CRMP1: variants seen among roughly 807,000 people sequenced by gnomAD.
CRMP1 encodes collapsin response mediator protein 1.
A neutral mutation model predicts 68.3 loss-of-function variants in CRMP1; 19 were observed. The ratio of observed to expected loss-of-function variants is 0.28; its 90% CI spans 0.19 to 0.41. CRMP1 has a LOEUF of 0.41. Ranked by LOEUF, CRMP1 falls within the 10% of genes least tolerant of loss-of-function variation. The pLI is 1.00. For synonymous variants in CRMP1, 439 were observed against 399.6 expected (o/e 1.10, Z -1.18); for missense variants, 791 against 967.4 (o/e 0.82, Z 2.42).
rs1027297994 is a variant in CRMP1 at position 5,860,234 on chromosome 4, G to A, written c.655+792C>T. 6.6e-6 allele frequency among the ~76,000 whole-genome samples: 1 copy of A among 152,178 alleles called. No homozygotes were observed. The highest frequency in any genetic ancestry group is 2.4e-5 in the African/African-American group (1 of 41,446). Reference sequence around the variant, plus strand: ...GGTGGAAGTTGCAGCATGGAAGTGAGGAGATGAGGCAGTGAGAAGAAAGGC... The same window carrying A: ...GGTGGAAGTTGCAGCATGGAAGTGAAGAGATGAGGCAGTGAGAAGAAAGGC... On this transcript the variant is annotated intron_variant, in intron 3 of 13. Transcript: ENST00000324989. This position sits in a 1 kb window ranked among gnomAD's most constrained non-coding sequence, Gnocchi z 4.2.
rs1055680097 is a variant in CRMP1, at chr4:5,870,476, T to C, written c.382-3720A>G. Among the ~76,000 whole-genome samples, 2 of 152,196 alleles carry C rather than the reference T, an allele frequency of 1.3e-5. No homozygotes were observed. Among genetic ancestry groups the C allele is most frequent in the African/African-American group, 4.8e-5 (2 of 41,446 alleles). On this transcript the variant is annotated intron_variant, in intron 1 of 13. Coordinates refer to ENST00000324989, the MANE Select transcript of CRMP1 (RefSeq NM_001014809.3). This position sits in a 1 kb window ranked among gnomAD's most constrained non-coding sequence, Gnocchi z 6.0. ...CTGCCTGGAGTTTGCACAGCACTTG[T>C]CTTTACTAGACCGTGAGCTCCACGG...
chr4:5,845,124 T>G (rs11942692), intron 6 of CRMP1, among the ~76,000 whole-genome samples: 4,920 of 152,280 alleles, frequency 0.032, 235 homozygotes, highest in African/African-American at 0.11. Flanking sequence ...TATGCTTCCA[T>G]TTTTAGAAAG....
chr4:5,848,208 G>C (rs910851924), intron 6 of CRMP1, among the ~76,000 whole-genome samples: 1 of 151,026 alleles, frequency 6.6e-6, no homozygotes, highest in Non-Finnish European at 1.5e-5. Flanking sequence ...GCAGTGGCGT[G>C]ATCTCAGCTC....
rs1245347333 is a variant in CRMP1, at chr4:5,853,407, G to GA, written c.821-1939dup. On this transcript the variant is annotated intron_variant, in intron 4 of 13. Coordinates refer to ENST00000324989, the MANE Select transcript of CRMP1 (RefSeq NM_001014809.3). This position sits in a 1 kb window ranked among gnomAD's most constrained non-coding sequence, Gnocchi z 4.7. ...TGACAGAGTAAGACTCCATCAGAAG[G>GA]AAAGAAAGAAAGAGCTGCATCTAAG... 6.6e-6 allele frequency among the ~76,000 whole-genome samples: 1 copy of GA among 152,126 alleles called. No homozygotes were observed. The highest frequency in any genetic ancestry group is 1.5e-5 in the Non-Finnish European group (1 of 68,028).
rs568160301 is a variant in CRMP1 at position 5,825,878 on chromosome 4, T to G, written c.1804-219A>C. 1.4e-5 allele frequency: 7 copies of G among 511,866 alleles called. No individual in the cohort carries two copies. The highest frequency in any genetic ancestry group is 6.1e-5 in the African/African-American group (3 of 49,038). 31.7% of individuals were successfully genotyped at this position (511,866 alleles called of 1,614,324 possible). On this transcript the variant is annotated intron_variant, in intron 12 of 13. Transcript: ENST00000324989. The surrounding 1 kb of genome is among the most constrained non-coding windows in gnomAD (Gnocchi z 4.4). ...AAGCATGCATACACACACATCTACATACCCACATGCATACACATACAGACG... is the reference window on the plus strand; with the variant it reads ...AAGCATGCATACACACACATCTACAGACCCACATGCATACACATACAGACG...
rs1713907625 is a variant in CRMP1, at chr4:5,865,352, T to C, written c.470+1316A>G. Among the ~76,000 whole-genome samples the C allele has an allele frequency of 6.6e-6, 1 of 152,146 alleles. No homozygotes were observed. The highest frequency in any genetic ancestry group is 2.4e-5 in the African/African-American group (1 of 41,430). On this transcript the variant is annotated intron_variant, in intron 2 of 13. Coordinates refer to ENST00000324989, the MANE Select transcript of CRMP1 (RefSeq NM_001014809.3). This position sits in a 1 kb window ranked among gnomAD's most constrained non-coding sequence, Gnocchi z 4.1. ...AAATGTTAAGGCCAGCCAGGCGCGA[T>C]GGCTCACACCTGTAATCCCAGCACT...
chr4:5,860,760 T>C lies in CRMP1; in HGVS notation c.655+266A>G, dbSNP rs1248150164. On this transcript the variant is annotated intron_variant, in intron 3 of 13. Coordinates refer to ENST00000324989, the MANE Select transcript of CRMP1 (RefSeq NM_001014809.3). This position sits in a 1 kb window ranked among gnomAD's most constrained non-coding sequence, Gnocchi z 4.2. ...ATGCTAAGCGATTATATCAATGAGATGTTGTTTTATTTCAATATTTTAAAA... is the reference window on the plus strand; with the variant it reads ...ATGCTAAGCGATTATATCAATGAGACGTTGTTTTATTTCAATATTTTAAAA... Among the ~76,000 whole-genome samples, 1 of 152,216 alleles carries C rather than the reference T, an allele frequency of 6.6e-6. No homozygotes were observed. Among genetic ancestry groups the C allele is most frequent in the African/African-American group, 2.4e-5 (1 of 41,450 alleles).
intron 2 of CRMP1, among the ~76,000 whole-genome samples, chr4:5,863,458 C>T (rs1713740121): frequency 6.6e-6 from 1 of 152,174 alleles, no homozygotes; most frequent in African/African-American, 2.4e-5. Context: ...CGCCCTGCTT[C>T]CCTTATATAG....
chr4:5,859,599 T>G lies in CRMP1; in HGVS notation c.655+1427A>C, dbSNP rs1713386873. Among the ~76,000 whole-genome samples the G allele has an allele frequency of 6.6e-6, 1 of 152,230 alleles. No homozygotes were observed. Among genetic ancestry groups the G allele is most frequent in the Non-Finnish European group, 1.5e-5 (1 of 68,036 alleles). On this transcript the variant is annotated intron_variant, in intron 3 of 13. Transcript: ENST00000324989. The surrounding 1 kb of genome is among the most constrained non-coding windows in gnomAD (Gnocchi z 5.2). Reference sequence around the variant, plus strand: ...GCTGAGGCTCAGAGAGGCTGAGTGCTGGCCACAGTCATGCAGTTGCCTGCT... The same window carrying G: ...GCTGAGGCTCAGAGAGGCTGAGTGCGGGCCACAGTCATGCAGTTGCCTGCT...
chr4:5,875,918 C>T (rs141471604), intron 1 of CRMP1, among the ~76,000 whole-genome samples: 1,717 of 152,158 alleles, frequency 0.011, 30 homozygotes, highest in African/African-American at 0.039. Flanking sequence ...TTTGGGAGGC[C>T]GAAGCGGGTG....
At chr4:5,873,520 T>TG (rs1313567080) in intron 1 of CRMP1, among the ~76,000 whole-genome samples, 1 of 129,036 alleles carries the variant, frequency 7.7e-6, no homozygotes, top group African/African-American at 3.0e-5. Flanking sequence ...AAGTGGGGGG[T>TG]GGGGGGTGAG....
intron 6 of CRMP1, among the ~76,000 whole-genome samples, chr4:5,848,818 GC>G (rs1712414350): frequency 6.6e-6 from 1 of 152,280 alleles, no homozygotes; most frequent in Admixed American, 6.5e-5. Context: ...GCCAGCTCAG[GC>G]CTCTCTTCTT....
intron 1 of CRMP1, among the ~76,000 whole-genome samples, chr4:5,875,398 G>GA (rs10561614): frequency 0.017 from 2,300 of 137,532 alleles, 25 homozygotes; most frequent in Non-Finnish European, 0.026. Context: ...CTAGATTTTA[G>GA]AAAAAAAAAA....
chr4:5,871,475 A>G (rs1013441788), intron 1 of CRMP1, among the ~76,000 whole-genome samples: 4 of 152,144 alleles, frequency 2.6e-5, no homozygotes, highest in Non-Finnish European at 5.9e-5. Flanking sequence ...CCTGGCTAAC[A>G]TGGTGAAACC....
In CRMP1 at chr4:5,888,019, GCCCCGCCATGCGGGGCTCCCCCA is replaced by G; in HGVS notation, c.381+4547_381+4569del. On this transcript the variant is annotated intron_variant, in intron 1 of 13. Coordinates refer to ENST00000324989, the MANE Select transcript of CRMP1 (RefSeq NM_001014809.3). This position sits in a 1 kb window ranked among gnomAD's most constrained non-coding sequence, Gnocchi z 6.4. The stretch of plus-strand genomic sequence containing the variant: ...GAGAGGGACTCCCGGCTCCAGCCCC[GCCCCGCCATGCGGGGCTCCCCCA>G]CCCCCATTGTCCCCAGAGGCTGGGG... 6.6e-6 allele frequency among the ~76,000 whole-genome samples: 1 copy of G among 151,846 alleles called. No homozygotes were observed. The highest frequency in any genetic ancestry group is 1.5e-5 in the Non-Finnish European group (1 of 67,878).
At chr4:5,845,648 T>C (rs978254370) in intron 6 of CRMP1, among the ~76,000 whole-genome samples, 1 of 152,228 alleles carries the variant, frequency 6.6e-6, no homozygotes, top group African/African-American at 2.4e-5. Context: ...CATGAGATAA[T>C]TTGCTTTAAG....
In CRMP1 at chr4:5,860,951, G is replaced by A. The variant is rs1713506698; in HGVS notation, c.655+75C>T. On this transcript the variant is annotated intron_variant, in intron 3 of 13. Transcript: ENST00000324989. This position sits in a 1 kb window ranked among gnomAD's most constrained non-coding sequence, Gnocchi z 4.2. The stretch of plus-strand genomic sequence containing the variant: ...CTGGGCAGAGAGCCTCGAACACACT[G>A]AGCACTTGTGATGCTGGTGATGGGG... 9 of 1,474,770 alleles carry A rather than the reference G, an allele frequency of 6.1e-6. No individual in the cohort carries two copies. The highest frequency in any genetic ancestry group is 8.3e-6 in the Non-Finnish European group (9 of 1,077,960). The allele number at this position is 1,474,770 out of a possible 1,614,324, so 91.4% of individuals were successfully genotyped here.
chr4:5,843,177 A>T lies in CRMP1; in HGVS notation c.964-16T>A. The T allele has an allele frequency of 6.2e-7, 1 of 1,614,054 alleles. No individual in the cohort carries two copies. Among genetic ancestry groups the T allele is most frequent in the Non-Finnish European group, 8.5e-7 (1 of 1,179,932 alleles). On this transcript the variant is annotated splice_polypyrimidine_tract_variant and intron_variant, in intron 6 of 13. Coordinates refer to ENST00000324989, the MANE Select transcript of CRMP1 (RefSeq NM_001014809.3). This position sits in a 1 kb window ranked among gnomAD's most constrained non-coding sequence, Gnocchi z 4.1. ...GCTTTTGTTCCTACAAGACAAGAAC[A>T]AGTGAGTTAACGATTAGAGGGTGTC...
chr4:5,830,689 CTGTT>C (rs1003249800), intron 11 of CRMP1, among the ~76,000 whole-genome samples: 1 of 152,148 alleles, frequency 6.6e-6, no homozygotes, highest in South Asian at 2.1e-4. Flanking sequence ...CCCTGCCAAA[CTGTT>C]TGGTTTATTG....
Sources: gnomAD v4.1 joint callset for allele counts (sites outside exome capture counted in the v4.1 genomes callset) on GRCh38, gnomAD v4.1.1 for gene constraint, Gnocchi (gnomAD v3.1) non-coding constraint, MANE v1.5 for transcripts, NCBI Gene and HGNC (gene_info 2026-07-23, HGNC 2026-07-21) for gene names.